The following CNBD1 variants were observed in gnomAD, a reference collection of about 807,000 sequenced individuals.
The protein encoded by CNBD1 is cyclic nucleotide-binding domain-containing protein 1.
CNBD1 carries 71 observed loss-of-function variants against 54.4 expected under a neutral mutation model. The observed-to-expected ratio is 1.30, with a 90% CI of 1.08 to 1.59. The LOEUF (loss-of-function observed/expected upper bound fraction) is 1.59, where lower values mean the gene tolerates loss of function less well. CNBD1 is among the 40% of genes most tolerant of loss of function. The pLI is 0.00. For synonymous variants in CNBD1, 182 were observed against 170.7 expected, an observed-to-expected ratio of 1.07 and a Z score of -0.51; for missense variants, 659 against 518.0, an observed-to-expected ratio of 1.27 and a Z score of -2.64.
chr8:87,078,140 T>A (rs552471726), intron 4 of CNBD1, among the ~76,000 whole-genome samples: 8 of 152,294 alleles, frequency 5.3e-5, no homozygotes, highest in African/African-American at 1.9e-4. Flanking sequence ...AGCTTCAGGA[T>A]ATAATATTTT....
chr8:87,388,264 T>G (rs1383238643), intron 2 of CNBD1, among the ~76,000 whole-genome samples: 1 of 151,834 alleles, frequency 6.6e-6, no homozygotes, highest in African/African-American at 2.4e-5. Flanking sequence ...AGAGCAGAAC[T>G]GAAGGAATTA....
intron 8 of CNBD1, among the ~76,000 whole-genome samples, chr8:87,349,816 C>T (rs1453972183): frequency 6.6e-6 from 1 of 152,112 alleles, no homozygotes; most frequent in African/African-American, 2.4e-5. Flanking sequence ...GCCAGTTCCC[C>T]CTCTAGGGAA....
At chr8:86,890,476 C>A (rs1431311905) in intron 2 of CNBD1, among the ~76,000 whole-genome samples, 3 of 152,016 alleles carry the variant, frequency 2.0e-5, no homozygotes, top group Admixed American at 6.6e-5. Context: ...TTTTTTTAGC[C>A]GTTTATTCAC....
chr8:86,947,735 C>A (rs1322375097), intron 4 of CNBD1, among the ~76,000 whole-genome samples: 2 of 152,028 alleles, frequency 1.3e-5, no homozygotes, highest in East Asian at 3.9e-4. Context: ...GGTGTTCGTG[C>A]CCTCAGGCAT....
chr8:87,131,930 C>T (rs1441618024), intron 4 of CNBD1, among the ~76,000 whole-genome samples: 3 of 151,976 alleles, frequency 2.0e-5, no homozygotes, highest in African/African-American at 4.8e-5. Context: ...ATTCTTTGTG[C>T]TAGTTTGTTT....
At chr8:86,881,130 C>A (rs1183665295) in intron 1 of CNBD1, among the ~76,000 whole-genome samples, 5 of 152,086 alleles carry the variant, frequency 3.3e-5, no homozygotes, top group Admixed American at 6.5e-5. Context: ...ACAAGGATGC[C>A]CTCTCTCACC....
At chr8:87,029,984 T>C (rs1369146338) in intron 4 of CNBD1, among the ~76,000 whole-genome samples, 1 of 152,198 alleles carries the variant, frequency 6.6e-6, no homozygotes, top group Non-Finnish European at 1.5e-5. Context: ...AAAGTAAAAA[T>C]GAAATAAATT....
intron 10 of CNBD1, among the ~76,000 whole-genome samples, chr8:87,371,199 TG>T (rs1321585964): frequency 6.6e-6 from 1 of 152,048 alleles, no homozygotes; most frequent in Non-Finnish European, 1.5e-5. Flanking sequence ...TAGGATTGAC[TG>T]GGCAATGGGG....
At chr8:87,329,313 A>T (rs75924755) in intron 8 of CNBD1, among the ~76,000 whole-genome samples, 1 of 152,072 alleles carries the variant, frequency 6.6e-6, no homozygotes, top group Non-Finnish European at 1.5e-5. Context: ...CTGCAGCTCT[A>T]TTGTAACTCT....
At chr8:87,371,147 G>T (rs1437600653) in intron 10 of CNBD1, among the ~76,000 whole-genome samples, 1 of 151,786 alleles carries the variant, frequency 6.6e-6, no homozygotes, top group Admixed American at 6.6e-5. Context: ...AGTATAGTTT[G>T]AAGTCAGGTA....
chr8:87,128,776 A>G (rs1312241451), intron 4 of CNBD1, among the ~76,000 whole-genome samples: 2 of 151,566 alleles, frequency 1.3e-5, no homozygotes, highest in Non-Finnish European at 1.5e-5. Context: ...CTTTCCTAAT[A>G]TGGTGTTAAG....
chr8:87,006,794 C>G (rs559421236), intron 4 of CNBD1, among the ~76,000 whole-genome samples: 1 of 152,278 alleles, frequency 6.6e-6, no homozygotes, highest in East Asian at 1.9e-4. Context: ...CTCTTCCTGC[C>G]TTGAATGTTT....
chr8:87,304,245 A>C lies in CNBD1; in HGVS notation c.1042+17574A>C, dbSNP rs1264378512. Among the ~76,000 whole-genome samples, 5 of 152,104 alleles carry C rather than the reference A, an allele frequency of 3.3e-5. No individual in the cohort carries two copies. The East Asian group carries it at 9.6e-4, about 29-fold the overall frequency. Reference sequence around the variant, plus strand: ...AGACTTGGAACAAACCCAAATGTCCAACAATGATAGACTGGATTAAGAAAA... The same window carrying C: ...AGACTTGGAACAAACCCAAATGTCCCACAATGATAGACTGGATTAAGAAAA... On this transcript the variant is annotated intron_variant, in intron 8 of 10. Coordinates refer to ENST00000518476, the MANE Select transcript of CNBD1 (RefSeq NM_173538.3).
At chr8:87,380,271 G>T (rs188656014) in intron 10 of CNBD1, among the ~76,000 whole-genome samples, 6 of 151,970 alleles carry the variant, frequency 3.9e-5, no homozygotes, top group Admixed American at 2.0e-4. Flanking sequence ...AAATGGACAT[G>T]ATAATACTTA....
At chr8:86,943,208 C>G (rs1316480863) in intron 4 of CNBD1, among the ~76,000 whole-genome samples, 2 of 151,588 alleles carry the variant, frequency 1.3e-5, no homozygotes, top group African/African-American at 4.8e-5. Context: ...TGGTGAAACT[C>G]CATCTCTATT....
At chr8:87,309,189 T>C (rs1208644882) in intron 8 of CNBD1, among the ~76,000 whole-genome samples, 1 of 152,156 alleles carries the variant, frequency 6.6e-6, no homozygotes, top group Non-Finnish European at 1.5e-5. Context: ...TGGCTTTATT[T>C]ATATTCCTAC....
At chr8:87,350,350 T>A (rs7845036) in intron 8 of CNBD1, among the ~76,000 whole-genome samples, 6 of 151,736 alleles carry the variant, frequency 4.0e-5, no homozygotes, top group Non-Finnish European at 8.8e-5. Flanking sequence ...TTATTATAAA[T>A]ATTGAAGTAA....
chr8:86,909,345 T>C (rs1305773495), intron 3 of CNBD1, among the ~76,000 whole-genome samples: 1 of 152,216 alleles, frequency 6.6e-6, no homozygotes, highest in Non-Finnish European at 1.5e-5. Flanking sequence ...TTCACAAAAA[T>C]TATAACTTCA....
chr8:87,199,943 T>C (rs1813819013), intron 4 of CNBD1, among the ~76,000 whole-genome samples: 1 of 152,182 alleles, frequency 6.6e-6, no homozygotes, highest in Non-Finnish European at 1.5e-5. Flanking sequence ...ACTCTGATCA[T>C]AGATTTTGGT....
Sources: allele counts gnomAD v4.1 joint callset (sites outside exome capture counted in the v4.1 genomes callset), GRCh38; gene constraint gnomAD v4.1.1; transcripts MANE v1.5; gene names NCBI Gene and HGNC (gene_info 2026-07-23, HGNC 2026-07-21).